Variants in PEPD observed in about 807,000 individuals in gnomAD.
PEPD encodes the protein xaa-Pro dipeptidase.
Under a neutral mutation model 60.7 loss-of-function variants are expected in PEPD, and 53 were observed. That is an observed-to-expected ratio of 0.87 (90% CI 0.70 to 1.10). The LOEUF (loss-of-function observed/expected upper bound fraction) is 1.10. Ranked by LOEUF, PEPD falls within the 50% of genes least tolerant of loss-of-function variation. The pLI is 0.00. For missense variants in PEPD, 711 were observed against 711.9 expected, an observed-to-expected ratio of 1.00 and a Z score of 0.01; for synonymous variants, 267 against 284.1, an observed-to-expected ratio of 0.94 and a Z score of 0.60.
At chr19:33,500,911 T>A in intron 4 of PEPD, 27 bp downstream of exon 4, 1 of 1,400,670 alleles carries the variant, frequency 7.1e-7, no homozygotes, top group Non-Finnish European at 1.0e-6. Flanking sequence ...AGCCCTGGGC[T>A]GCTCAGAGGA....
chr19:33,486,870 G>A (rs1600154523), intron 6 of PEPD: 1 of 152,354 alleles, frequency 6.6e-6, no homozygotes, highest in African/African-American at 2.4e-5. Context: ...GGGGAGCTGG[G>A]GGGGCCCATC....
chr19:33,417,170 G>A (rs944717756), intron 9 of PEPD, among the ~76,000 whole-genome samples: 1 of 152,244 alleles, frequency 6.6e-6, no homozygotes, highest in African/African-American at 2.4e-5. Context: ...GAGCATGGGT[G>A]GGGTAGCGCC....
At chr19:33,403,836 T>TG (rs932829441) in intron 11 of PEPD, among the ~76,000 whole-genome samples, 17 of 152,222 alleles carry the variant, frequency 1.1e-4, no homozygotes, top group African/African-American at 4.1e-4. Flanking sequence ...ACTCTCAGGC[T>TG]GGGGGGAGGA....
chr19:33,461,179 G>A (rs1969919110), intron 9 of PEPD, among the ~76,000 whole-genome samples: 1 of 152,216 alleles, frequency 6.6e-6, no homozygotes, highest in Non-Finnish European at 1.5e-5. Context: ...ATTTACAGGT[G>A]CTATGACACG....
intron 9 of PEPD, among the ~76,000 whole-genome samples, chr19:33,428,389 G>A (rs1197791113): frequency 3.3e-5 from 5 of 151,948 alleles, no homozygotes; most frequent in African/African-American, 4.8e-5. Context: ...ACCTTCTATC[G>A]GACACCTTCC....
intron 13 of PEPD, chr19:33,388,960 C>T (rs1968146638): frequency 6.6e-6 from 1 of 152,588 alleles, no homozygotes. Flanking sequence ...CGGCCAGGGC[C>T]TCTGAGCCAG....
At chr19:33,437,209 T>C (rs1449847023) in intron 9 of PEPD, among the ~76,000 whole-genome samples, 1 of 152,176 alleles carries the variant, frequency 6.6e-6, no homozygotes, top group Non-Finnish European at 1.5e-5. Context: ...CTACTCTGAA[T>C]GTTAGTGTCT....
At chr19:33,410,397 C>A (rs555260438) in intron 11 of PEPD, among the ~76,000 whole-genome samples, 2 of 152,316 alleles carry the variant, frequency 1.3e-5, no homozygotes, top group South Asian at 4.1e-4. Flanking sequence ...AATACTCGGC[C>A]CTGACAGCTC....
rs551617114 is a variant in PEPD, at chr19:33,407,920, C to T, written c.818+3752G>A. On this transcript the variant is annotated intron_variant, in intron 11 of 14. Coordinates refer to ENST00000244137, the MANE Select transcript of PEPD (RefSeq NM_000285.4). ...TGTGGTGGCATCACACCCAGAGAAG[C>T]GGGAAGGGGCCCGGGGGTGGCTGGC... is the stretch of plus-strand genomic sequence containing the variant. 2.2e-4 allele frequency among the ~76,000 whole-genome samples: 34 copies of T among 152,302 alleles called. 1 individual carries two copies. The highest frequency in any genetic ancestry group is 7.5e-4 in the African/African-American group (31 of 41,568).
At chr19:33,427,411 TCCCCA>T (rs1969173803) in intron 9 of PEPD, among the ~76,000 whole-genome samples, 1 of 152,116 alleles carries the variant, frequency 6.6e-6, no homozygotes, top group Admixed American at 6.5e-5. Flanking sequence ...CCCCCATCGG[TCCCCA>T]CCTGCAGCAG....
intron 9 of PEPD, among the ~76,000 whole-genome samples, chr19:33,449,296 C>T (rs1034251843): frequency 1.3e-5 from 2 of 152,240 alleles, no homozygotes; most frequent in Non-Finnish European, 2.9e-5. Context: ...CCCCTTTCTT[C>T]TGGGCCTGAG....
intron 7 of PEPD, among the ~76,000 whole-genome samples, chr19:33,464,381 C>T (rs1028484995): frequency 5.3e-5 from 8 of 152,226 alleles, no homozygotes; most frequent in Non-Finnish European, 1.2e-4. Flanking sequence ...AGGCTGCCTC[C>T]CTCAACCTCA....
rs149142529 is a variant in PEPD at position 33,498,170 on chromosome 19, T to C, written c.393+2768A>G. ...CTTGCTCTGCTGTCAACGTGAGCCT[T>C]GTTCCCAGTAAAAACAGCAGCAGTA... On this transcript the variant is annotated intron_variant, in intron 4 of 14. Transcript: ENST00000244137. Among the ~76,000 whole-genome samples the C allele has an allele frequency of 2.0e-3, 311 of 152,196 alleles. 3 individuals carry two copies. Among genetic ancestry groups the C allele is most frequent in the Admixed American group, 5.0e-3 (77 of 15,282 alleles).
At chr19:33,401,571 C>A in intron 12 of PEPD, 150 bp downstream of exon 12, 1 of 771,544 alleles carries the variant, frequency 1.3e-6, no homozygotes, top group Non-Finnish European at 2.2e-6. Flanking sequence ...CCCTGGAGAC[C>A]TGACGCCACT....
chr19:33,430,828 C>T (rs909431718), intron 9 of PEPD, among the ~76,000 whole-genome samples: 2 of 152,134 alleles, frequency 1.3e-5, no homozygotes, highest in African/African-American at 2.4e-5. Context: ...CCACCGAGGA[C>T]GACACTGGGA....
At position 33,387,206 on chromosome 19, in the gene PEPD, T is replaced by C; in HGVS notation, c.*138A>G. On this transcript the variant is annotated 3_prime_UTR_variant, in exon 15 of 15. Coordinates refer to ENST00000244137, the MANE Select transcript of PEPD (RefSeq NM_000285.4). Reference sequence around the variant, plus strand: ...TTCCTCCCCGGGAAACAGCACTGTTTGGTCTGATCAAATGCCGAAGCTGGG... The same window carrying C: ...TTCCTCCCCGGGAAACAGCACTGTTCGGTCTGATCAAATGCCGAAGCTGGG... 2.0e-6 allele frequency: 2 copies of C among 993,734 alleles called. No individual in the cohort carries two copies. The highest frequency in any genetic ancestry group is 2.4e-5 in the East Asian group (1 of 41,644). The allele number at this position is 993,734 out of a possible 1,614,324, so 61.6% of individuals were successfully genotyped here.
chr19:33,438,121 C>T (rs1969414652), intron 9 of PEPD, among the ~76,000 whole-genome samples: 1 of 152,230 alleles, frequency 6.6e-6, no homozygotes, highest in African/African-American at 2.4e-5. Context: ...CAGACACAGG[C>T]TGCAGGGATG....
chr19:33,445,836 G>A (rs1014053257), intron 9 of PEPD, among the ~76,000 whole-genome samples: 1 of 152,130 alleles, frequency 6.6e-6, no homozygotes, highest in African/African-American at 2.4e-5. Context: ...TCAAAGCCAG[G>A]ACCTCAGAGG....
At chr19:33,406,970 CA>C (rs1968642850) in intron 11 of PEPD, among the ~76,000 whole-genome samples, 1 of 152,206 alleles carries the variant, frequency 6.6e-6, no homozygotes, top group African/African-American at 2.4e-5. Context: ...AGACCAGGCC[CA>C]GCAGGGGTGA....
Sources: allele counts gnomAD v4.1 joint callset (sites outside exome capture counted in the v4.1 genomes callset), GRCh38; gene constraint gnomAD v4.1.1; transcripts MANE v1.5; gene names NCBI Gene and HGNC (gene_info 2026-07-23, HGNC 2026-07-21).